The following DNAAF1 variants were observed in gnomAD, a reference collection of about 807,000 sequenced individuals.
The protein encoded by DNAAF1 is dynein axonemal assembly factor 1.
In DNAAF1, 65 loss-of-function variants were observed where a neutral mutation model predicts 71.1. That is an observed-to-expected ratio of 0.91 (90% CI 0.75 to 1.12). The LOEUF (loss-of-function observed/expected upper bound fraction) is 1.12. DNAAF1 is among the 50% of genes most tolerant of loss of function. The pLI, the probability that DNAAF1 is intolerant of heterozygous loss-of-function variation, is 0.00. For synonymous variants in DNAAF1, 414 were observed against 354.6 expected (o/e 1.17, Z -1.88); for missense variants, 1,178 against 899.8 (o/e 1.31, Z -3.96).
chr16:84,155,522 G>C (rs1275056388), intron 4 of DNAAF1, 61 bp from the exon 5 acceptor site: 1 of 1,577,638 alleles, frequency 6.3e-7, no homozygotes, highest in East Asian at 2.2e-5. Flanking sequence ...GAACCACTGT[G>C]CCTGGCCCAA....
intron 8 of DNAAF1, 84 bp from the exon 9 acceptor site, chr16:84,172,176 C>T: frequency 7.5e-7 from 1 of 1,335,682 alleles, no homozygotes; most frequent in Non-Finnish European, 1.1e-6. Flanking sequence ...CGAGCCCGGC[C>T]CTTGGGAGCC....
At chr16:84,160,550 T>C (rs1185569757) in intron 6 of DNAAF1, among the ~76,000 whole-genome samples, 3 of 152,240 alleles carry the variant, frequency 2.0e-5, no homozygotes, top group African/African-American at 7.2e-5. Flanking sequence ...ATACAACATT[T>C]AAAATAAATG....
intron 7 of DNAAF1, among the ~76,000 whole-genome samples, chr16:84,166,370 CTTTTTTTTT>C (rs535417461): frequency 6.7e-5 from 8 of 118,804 alleles, no homozygotes; most frequent in Admixed American, 1.7e-4. Context: ...TTCTTTTTTT[CTTTTTTTTT>C]TTTTTTTTTT....
intron 8 of DNAAF1, among the ~76,000 whole-genome samples, chr16:84,171,124 A>G (rs887729834): frequency 6.6e-6 from 1 of 152,098 alleles, no homozygotes; most frequent in African/African-American, 2.4e-5. Flanking sequence ...ACAGGACCCA[A>G]GGATACAGCC....
chr16:84,175,477 C>G (rs989161396), intron 10 of DNAAF1: 1 of 204,126 alleles, frequency 4.9e-6, no homozygotes, highest in Non-Finnish European at 1.0e-5. Context: ...ACCAGGAGCC[C>G]ACACGTGCCA....
At chr16:84,169,755 T>G (rs1465070103) in intron 7 of DNAAF1, 104 bp from the exon 8 acceptor site, 6 of 1,528,492 alleles carry the variant, frequency 3.9e-6, no homozygotes, top group African/African-American at 1.4e-5. Context: ...GTTCCTGACC[T>G]TTTCCCTGGT....
rs187277744 is a variant in DNAAF1, at chr16:84,146,946, T to C, written c.124+1382T>C. Among the ~76,000 whole-genome samples the C allele has an allele frequency of 1.2e-4, 18 of 152,318 alleles. No individual in the cohort carries two copies. The East Asian group carries it at 3.5e-3, about 29-fold the overall frequency. ...TAAGCATCAACTGTCCAGATGAACC[T>C]TGTATGAGGAGCCATAGGGAACTGG... is the stretch of plus-strand genomic sequence containing the variant. On this transcript the variant is annotated intron_variant, in intron 1 of 11. Coordinates refer to ENST00000378553, the MANE Select transcript of DNAAF1 (RefSeq NM_178452.6).
chr16:84,145,595 G>A (rs1206613809), intron 1 of DNAAF1, 31 bp downstream of exon 1: 2 of 1,541,096 alleles, frequency 1.3e-6, no homozygotes, highest in Non-Finnish European at 1.7e-6. Flanking sequence ...AGGGCGGTGG[G>A]CGAGGGGCAG....
At chr16:84,154,285 G>A (rs62048438) in intron 3 of DNAAF1, among the ~76,000 whole-genome samples, 6 of 152,128 alleles carry the variant, frequency 3.9e-5, no homozygotes, top group Admixed American at 2.6e-4. Flanking sequence ...TTTTTTATTC[G>A]CAGATGGCAC....
chr16:84,166,879 C>T (rs116745880), intron 7 of DNAAF1, among the ~76,000 whole-genome samples: 3 of 152,156 alleles, frequency 2.0e-5, no homozygotes, highest in African/African-American at 7.2e-5. Context: ...GTTTTCTTCT[C>T]CCACACTCTC....
chr16:84,174,976 C>A (rs2088575757), intron 10 of DNAAF1: 2 of 433,404 alleles, frequency 4.6e-6, no homozygotes, highest in African/African-American at 4.0e-5. Context: ...CTGTCTCAGC[C>A]TCCCAAGTAG....
intron 7 of DNAAF1, among the ~76,000 whole-genome samples, chr16:84,169,016 A>G (rs4782589): frequency 0.35 from 51,816 of 148,936 alleles, 9,331 homozygotes; most frequent in Non-Finnish European, 0.4. Context: ...TGCCTTCCGT[A>G]GGCATTTGGC....
At chr16:84,175,630 C>A (rs1473023774) in intron 10 of DNAAF1, 2 of 422,492 alleles carry the variant, frequency 4.7e-6, no homozygotes, top group East Asian at 5.1e-5. Context: ...AAACGGGGTT[C>A]AGGGGCATGC....
In DNAAF1 at chr16:84,155,656, A is replaced by G; in HGVS notation, c.648A>G (p.Leu216=). The G allele has an allele frequency of 6.2e-7, 1 of 1,614,156 alleles. No homozygotes were observed. Among genetic ancestry groups the G allele is most frequent in the Non-Finnish European group, 8.5e-7 (1 of 1,180,030 alleles). The change falls in exon 5 of 12, where the codon CTA becomes CTG. Residue 216 remains leucine, a synonymous_variant. Transcript: ENST00000378553. ...AGACCGTGGAGGACATTCAGCATCT[A>G]CAAGAGTGTTTGAGGCTTTGTGTCC... ...HLETVEDIQH[L]QECLRLCVLD...
intron 9 of DNAAF1, 97 bp downstream of exon 9, chr16:84,172,472 TGTG>T: frequency 1.3e-6 from 2 of 1,544,442 alleles, no homozygotes; most frequent in African/African-American, 1.4e-5. Flanking sequence ...ATACCCCAAG[TGTG>T]GTCCTTGGGC....
chr16:84,145,446 C>T lies in DNAAF1; in HGVS notation c.6C>T (p.His2=). ...TCGGTGTCGCCGAAGTAAACATGCA[C>T]CCTGAGCCCTCGGAGCCTGCGACAG... is the stretch of plus-strand genomic sequence containing the variant. The part of the protein sequence containing the change: M[H]PEPSEPATGG... Residue 2 remains histidine, a synonymous_variant, in exon 1 of 12, where the codon CAC becomes CAT. Transcript: ENST00000378553. The T allele has an allele frequency of 6.3e-7, 1 of 1,581,018 alleles. No homozygotes were observed. The highest frequency in any genetic ancestry group is 8.6e-7 in the Non-Finnish European group (1 of 1,164,072).
intron 6 of DNAAF1, among the ~76,000 whole-genome samples, chr16:84,160,567 G>T (rs551593362): frequency 4.5e-4 from 69 of 152,280 alleles, no homozygotes; most frequent in African/African-American, 1.5e-3. Flanking sequence ...AATGTAGCTT[G>T]TAATGTGTTT....
chr16:84,155,511 T>G, intron 4 of DNAAF1, 72 bp from the exon 5 acceptor site: 8 of 1,533,536 alleles, frequency 5.2e-6, no homozygotes, highest in Non-Finnish European at 7.2e-6. Flanking sequence ...ATTACAGGTA[T>G]GAACCACTGT....
chr16:84,175,065 A>G (rs956447513), intron 10 of DNAAF1, among the ~76,000 whole-genome samples: 3 of 152,174 alleles, frequency 2.0e-5, no homozygotes, highest in Non-Finnish European at 4.4e-5. Context: ...CATGTTGGCC[A>G]GGCTGGTCTC....
Sources: allele counts gnomAD v4.1 joint callset (sites outside exome capture counted in the v4.1 genomes callset), GRCh38; gene constraint gnomAD v4.1.1; transcripts MANE v1.5; gene names NCBI Gene and HGNC (gene_info 2026-07-23, HGNC 2026-07-21).